NALF1: variants seen among roughly 807,000 people sequenced by gnomAD.
The protein encoded by NALF1 is family with sequence similarity 155 member A.
Under a neutral mutation model 48.4 loss-of-function variants are expected in NALF1, and 3 were observed. That is an observed-to-expected ratio of 0.06 (90% CI 0.03 to 0.16). The LOEUF is 0.16. Ranked by LOEUF, NALF1 falls within the 10% of genes least tolerant of loss-of-function variation. The pLI is 1.00. For missense variants in NALF1, 526 were observed against 571.5 expected, an observed-to-expected ratio of 0.92 and a Z score of 0.81; for synonymous variants, 262 against 245.7, an observed-to-expected ratio of 1.07 and a Z score of -0.62.
At chr13:107,760,695 C>T (rs1877238285) in intron 1 of NALF1, among the ~76,000 whole-genome samples, 1 of 152,170 alleles carries the variant, frequency 6.6e-6, no homozygotes, top group Admixed American at 6.5e-5. Context: ...TTAAATGTTA[C>T]TCAAATACCA....
At chr13:107,771,248 T>TTGTGTGTG (rs147526327) in intron 1 of NALF1, among the ~76,000 whole-genome samples, 13 of 151,014 alleles carry the variant, frequency 8.6e-5, no homozygotes, top group East Asian at 2.0e-4. Flanking sequence ...TTTTAACATG[T>TTGTGTGTG]TGTGTGTGTG....
At chr13:107,473,662 C>G (rs1885134429) in intron 1 of NALF1, among the ~76,000 whole-genome samples, 1 of 152,188 alleles carries the variant, frequency 6.6e-6, no homozygotes, top group African/African-American at 2.4e-5. Context: ...AGTAGAATTA[C>G]AGAAGCAGAC....
chr13:107,268,356 G>A (rs987227418), intron 1 of NALF1, among the ~76,000 whole-genome samples: 11 of 152,082 alleles, frequency 7.2e-5, no homozygotes, highest in Non-Finnish European at 4.4e-5. Flanking sequence ...CTCATGGAAA[G>A]TGAAACCACA....
At chr13:107,641,739 G>A (rs1359283769) in intron 1 of NALF1, among the ~76,000 whole-genome samples, 1 of 152,186 alleles carries the variant, frequency 6.6e-6, no homozygotes, top group East Asian at 1.9e-4. Flanking sequence ...GGCAGATCTT[G>A]TATCAGGCCT....
intron 1 of NALF1, among the ~76,000 whole-genome samples, chr13:107,236,727 A>G (rs537867900): frequency 2.3e-5 from 3 of 131,968 alleles, no homozygotes; most frequent in East Asian, 4.3e-4. Flanking sequence ...CTATCTATCT[A>G]TCTATCTATC....
At chr13:107,451,860 A>G (rs577790162) in intron 1 of NALF1, among the ~76,000 whole-genome samples, 5 of 152,212 alleles carry the variant, frequency 3.3e-5, no homozygotes, top group African/African-American at 1.2e-4. Context: ...TACTGGCCAA[A>G]CCTAGTGGAT....
At chr13:107,562,941 T>C (rs1392657910) in intron 1 of NALF1, among the ~76,000 whole-genome samples, 1 of 152,358 alleles carries the variant, frequency 6.6e-6, no homozygotes, top group South Asian at 2.1e-4. Flanking sequence ...TTTTGAAATG[T>C]TGGAGCTGAG....
At chr13:107,804,282 C>A (rs1049321813) in intron 1 of NALF1, among the ~76,000 whole-genome samples, 1 of 152,148 alleles carries the variant, frequency 6.6e-6, no homozygotes, top group Non-Finnish European at 1.5e-5. Flanking sequence ...TTTAAAAATA[C>A]CTTTAGCATC....
At chr13:107,801,458 C>T (rs74521401) in intron 1 of NALF1, among the ~76,000 whole-genome samples, 3,392 of 152,178 alleles carry the variant, frequency 0.022, 52 homozygotes, top group Non-Finnish European at 0.034. Context: ...CAGTCAGAGG[C>T]AATGCTCGGG....
At chr13:107,184,346 C>T (rs566392626) in intron 2 of NALF1, among the ~76,000 whole-genome samples, 4 of 152,218 alleles carry the variant, frequency 2.6e-5, no homozygotes, top group Admixed American at 6.5e-5. Context: ...CATTTTAATG[C>T]GCCGATGGAA....
In NALF1 at chr13:107,368,471, T is replaced by C. The variant is rs1020234693; in HGVS notation, c.916-157716A>G. Among the ~76,000 whole-genome samples, 5 of 152,230 alleles carry C rather than the reference T, an allele frequency of 3.3e-5. No individual in the cohort carries two copies. The South Asian group carries it at 1.0e-3, about 32-fold the overall frequency. ...CACACCTGGCTAATTTTCTTACAGC[T>C]CTGGAAAAAGCTCAAAGTACCATCA... On this transcript the variant is annotated intron_variant, in intron 1 of 2. Transcript: ENST00000375915.
intron 1 of NALF1, among the ~76,000 whole-genome samples, chr13:107,842,049 A>G (rs1478993209): frequency 1.3e-5 from 2 of 152,092 alleles, no homozygotes; most frequent in Non-Finnish European, 2.9e-5. Context: ...ATTTATACAT[A>G]ATAAATTTTT....
chr13:107,434,756 A>G (rs1185386199), intron 1 of NALF1, among the ~76,000 whole-genome samples: 1 of 152,188 alleles, frequency 6.6e-6, no homozygotes, highest in Non-Finnish European at 1.5e-5. Context: ...CATTTGCCCC[A>G]TTTTGCAAAT....
chr13:107,623,712 T>C (rs1879593653), intron 1 of NALF1, among the ~76,000 whole-genome samples: 1 of 152,136 alleles, frequency 6.6e-6, no homozygotes, highest in Non-Finnish European at 1.5e-5. Flanking sequence ...TCCCTCAACA[T>C]CTCTCAAGAA....
chr13:107,749,752 A>G (rs975430044), intron 1 of NALF1, among the ~76,000 whole-genome samples: 1 of 152,156 alleles, frequency 6.6e-6, no homozygotes, highest in African/African-American at 2.4e-5. Flanking sequence ...AAATCAATAA[A>G]GTAAACTTGA....
intron 1 of NALF1, among the ~76,000 whole-genome samples, chr13:107,621,570 A>G (rs1879517561): frequency 6.6e-6 from 1 of 152,194 alleles, no homozygotes; most frequent in African/African-American, 2.4e-5. Flanking sequence ...CCAGCTTTCA[A>G]ATGATTGCGT....
intron 1 of NALF1, among the ~76,000 whole-genome samples, chr13:107,691,334 T>C (rs923437749): frequency 1.3e-5 from 2 of 152,256 alleles, no homozygotes; most frequent in Middle Eastern, 3.4e-3. Context: ...GACAATACAC[T>C]TCTGTTATTC....
In NALF1 at chr13:107,660,484, C is replaced by CACACACAA. The variant is rs1386945144; in HGVS notation, c.915+205197_915+205198insTTGTGTGT. 1.9e-4 allele frequency among the ~76,000 whole-genome samples: 26 copies of CACACACAA among 139,216 alleles called. No individual in the cohort carries two copies. In the East Asian group the frequency reaches 2.4e-3, roughly 13 times the overall value. The allele number at this position is 139,216 out of a possible 152,430, so 91.3% of individuals were successfully genotyped here. On this transcript the variant is annotated intron_variant, in intron 1 of 2. Coordinates refer to ENST00000375915, the MANE Select transcript of NALF1 (RefSeq NM_001080396.3). ...ACACACACACACACACACACACACA[C>CACACACAA]AACAAAGAAACAAAAAAACAAACAA...
intron 1 of NALF1, among the ~76,000 whole-genome samples, chr13:107,256,296 G>C (rs1400720475): frequency 6.6e-6 from 1 of 152,170 alleles, no homozygotes; most frequent in Non-Finnish European, 1.5e-5. Flanking sequence ...ACGCTGCTGT[G>C]CCTCTCTTCC....
Sources: allele counts gnomAD v4.1 joint callset (sites outside exome capture counted in the v4.1 genomes callset), GRCh38; gene constraint gnomAD v4.1.1; transcripts MANE v1.5; gene names NCBI Gene and HGNC (gene_info 2026-07-23, HGNC 2026-07-21).